The following DNAH9 variants were observed in gnomAD, a reference collection of about 807,000 sequenced individuals.
DNAH9 encodes DNAH9 variant protein.
DNAH9 carries 345 observed loss-of-function variants against 471.6 expected under a neutral mutation model. That is an observed-to-expected ratio of 0.73 (90% CI 0.67 to 0.80). DNAH9 has a LOEUF of 0.80. Among genes scored for constraint, DNAH9 ranks in the 30% least tolerant of loss-of-function variants. The probability of loss-of-function intolerance (pLI) is 0.00; values close to 1 mark genes in which losing one functional copy is unlikely to be tolerated. For synonymous variants in DNAH9, 2,093 were observed against 2,123.6 expected, an observed-to-expected ratio of 0.99 and a Z score of 0.40; for missense variants, 5,407 against 5,609.2, an observed-to-expected ratio of 0.96 and a Z score of 1.15.
rs2074973137 is a variant in DNAH9, at chr17:11,716,815, G to A, written c.5553-2519G>A. On this transcript the variant is annotated intron_variant, in intron 26 of 68. Coordinates refer to ENST00000262442, the MANE Select transcript of DNAH9 (RefSeq NM_001372.4). ...AAAGGCAATGAGAGGGAAGGAAGGT[G>A]ATGAGGTGAGTTGTCAGGGATTGAA... Among the ~76,000 whole-genome samples the A allele has an allele frequency of 2.0e-5, 3 of 152,226 alleles. No homozygotes were observed. The South Asian group carries it at 6.2e-4, about 31-fold the overall frequency.
rs766518846 is a variant in DNAH9, at chr17:11,822,834, G to A, written c.9046G>A (p.Ala3016Thr). 17 of 1,614,052 alleles carry A rather than the reference G, an allele frequency of 1.1e-5. No homozygotes were observed. The East Asian group carries it at 3.3e-4, about 32-fold the overall frequency. The change falls in exon 48 of 69, where the codon GCC becomes ACC. Residue 3016 changes from alanine to threonine, a missense_variant. Coordinates refer to ENST00000262442, the MANE Select transcript of DNAH9 (RefSeq NM_001372.4). ...TVKQSISKFMAFVHTSVNQTS... is the reference protein window; with the variant it reads ...TVKQSISKFMTFVHTSVNQTS... The stretch of plus-strand genomic sequence containing the variant: ...AAAGCAGTCGATTAGCAAATTCATG[G>A]CCTTTGTCCACACAAGTGTCAACCA...
chr17:11,880,294 C>A, intron 54 of DNAH9, 94 bp downstream of exon 54: 1 of 1,506,912 alleles, frequency 6.6e-7, no homozygotes, highest in Non-Finnish European at 9.0e-7. Flanking sequence ...AGAATTTCCT[C>A]TCTTCAGTTC....
intron 67 of DNAH9, among the ~76,000 whole-genome samples, chr17:11,949,117 G>GA (rs1249886837): frequency 5.9e-5 from 9 of 152,170 alleles, no homozygotes; most frequent in African/African-American, 2.2e-4. Context: ...AGACCTACAG[G>GA]AAAAATGAGG....
At chr17:11,668,519 G>C (rs2073914911) in intron 15 of DNAH9, among the ~76,000 whole-genome samples, 1 of 152,180 alleles carries the variant, frequency 6.6e-6, no homozygotes, top group Admixed American at 6.5e-5. Context: ...ACAAAAATTA[G>C]CCGGGCATAG....
intron 41 of DNAH9, among the ~76,000 whole-genome samples, chr17:11,790,166 A>G (rs760873494): frequency 6.6e-6 from 1 of 152,008 alleles, no homozygotes; most frequent in Non-Finnish European, 1.5e-5. Flanking sequence ...AGTTTTATCA[A>G]CATTCCAGTT....
chr17:11,643,961 G>A (rs2073328977), intron 10 of DNAH9, among the ~76,000 whole-genome samples: 1 of 152,184 alleles, frequency 6.6e-6, no homozygotes, highest in Admixed American at 6.5e-5. Context: ...GTACGCTTGT[G>A]TAGGACACTT....
chr17:11,771,503 A>G (rs1968203346), intron 38 of DNAH9, among the ~76,000 whole-genome samples: 1 of 152,212 alleles, frequency 6.6e-6, no homozygotes, highest in Non-Finnish European at 1.5e-5. Context: ...ATCAGCTCCA[A>G]TAAACCACTG....
chr17:11,736,221 A>G (rs1213707529), intron 28 of DNAH9, among the ~76,000 whole-genome samples: 1 of 152,212 alleles, frequency 6.6e-6, no homozygotes, highest in African/African-American at 2.4e-5. Context: ...TTGGGATGGA[A>G]TAATTCACAG....
intron 43 of DNAH9, among the ~76,000 whole-genome samples, chr17:11,804,645 C>G (rs888903419): frequency 6.6e-6 from 1 of 152,074 alleles, no homozygotes; most frequent in South Asian, 2.1e-4. Flanking sequence ...GGAGGCCTGG[C>G]GGGTGGATCA....
intron 24 of DNAH9, among the ~76,000 whole-genome samples, 171 bp downstream of exon 24, chr17:11,701,418 C>T (rs2074592752): frequency 6.6e-6 from 1 of 152,156 alleles, no homozygotes; most frequent in Non-Finnish European, 1.5e-5. Context: ...GGGGGATTAA[C>T]AATAATGACC....
intron 19 of DNAH9, among the ~76,000 whole-genome samples, chr17:11,683,287 C>T (rs950042136): frequency 6.6e-6 from 1 of 152,158 alleles, no homozygotes; most frequent in African/African-American, 2.4e-5. Context: ...GATTTTCCTT[C>T]CTCAGCCTCC....
chr17:11,751,344 C>T (rs755744851), intron 32 of DNAH9, among the ~76,000 whole-genome samples: 1 of 151,876 alleles, frequency 6.6e-6, no homozygotes, highest in Non-Finnish European at 1.5e-5. Context: ...TTAATATAGA[C>T]ACAAATATTC....
intron 26 of DNAH9, among the ~76,000 whole-genome samples, chr17:11,709,389 GT>G (rs1344335196): frequency 2.0e-5 from 3 of 152,078 alleles, no homozygotes; most frequent in Non-Finnish European, 4.4e-5. Context: ...CTCAAGAAAT[GT>G]TTTTTGCACA....
chr17:11,919,419 C>G lies in DNAH9; in HGVS notation c.11750-4395C>G, dbSNP rs887162978. On this transcript the variant is annotated intron_variant, in intron 61 of 68. Transcript: ENST00000262442. Reference sequence around the variant, plus strand: ...CTGAGGCAGGAGAATGGCATGAACCCGGGAGGTAGAGCTTGCAGTGAGCCG... The same window carrying G: ...CTGAGGCAGGAGAATGGCATGAACCGGGGAGGTAGAGCTTGCAGTGAGCCG... Among the ~76,000 whole-genome samples, 3 of 142,936 alleles carry G rather than the reference C, an allele frequency of 2.1e-5. No individual in the cohort carries two copies. The South Asian group carries it at 6.9e-4, about 33-fold the overall frequency. The allele number at this position is 142,936 out of a possible 152,430, so 93.8% of individuals were successfully genotyped here.
chr17:11,793,748 C>A, intron 42 of DNAH9, 84 bp downstream of exon 42: 2 of 1,194,908 alleles, frequency 1.7e-6, no homozygotes, highest in Non-Finnish European at 2.3e-6. Context: ...TAAAATCTAG[C>A]TGTTTAATGG....
chr17:11,824,865 TCTTCTC>T (rs111768224), intron 48 of DNAH9, among the ~76,000 whole-genome samples: 223 of 151,548 alleles, frequency 1.5e-3, no homozygotes, highest in Middle Eastern at 3.4e-3. Context: ...TTCAGTACTG[TCTTCTC>T]CTTCTCCTTC....
Position 11,825,293 on chromosome 17 carries a change from A to T in DNAH9, c.9246+2259A>T, listed in dbSNP as rs1185378349. On this transcript the variant is annotated intron_variant, in intron 48 of 68. Coordinates refer to ENST00000262442, the MANE Select transcript of DNAH9 (RefSeq NM_001372.4). ...AATGCAGTACTACCAGATTTTTAAA[A>T]ACATCTTCCACCTCCCCATTGTGCT... Among the ~76,000 whole-genome samples, 5 of 152,242 alleles carry T rather than the reference A, an allele frequency of 3.3e-5. No individual in the cohort carries two copies. The South Asian group carries it at 8.3e-4, about 25-fold the overall frequency.
At chr17:11,684,760 G>A (rs997515343) in intron 19 of DNAH9, among the ~76,000 whole-genome samples, 3 of 152,182 alleles carry the variant, frequency 2.0e-5, no homozygotes, top group African/African-American at 7.2e-5. Context: ...ATGGGGTGCT[G>A]TCCTACATGA....
chr17:11,695,015 C>T (rs1286728880), intron 22 of DNAH9, among the ~76,000 whole-genome samples: 2 of 150,270 alleles, frequency 1.3e-5, no homozygotes, highest in South Asian at 2.1e-4. Context: ...CAGCCTCCCG[C>T]GTAGCTGGGA....
Sources: gnomAD v4.1 joint callset for allele counts (sites outside exome capture counted in the v4.1 genomes callset) on GRCh38, gnomAD v4.1.1 for gene constraint, MANE v1.5 for transcripts, NCBI Gene and HGNC (gene_info 2026-07-23, HGNC 2026-07-21) for gene names.